SGPP2: variants seen among roughly 807,000 people sequenced by gnomAD.
The protein encoded by SGPP2 is sphingosine-1-phosphate phosphatase 2, also known as sphingosine 1-phosphate phosphohydrolase 2.
In SGPP2, 30 loss-of-function variants were observed where a neutral mutation model predicts 33.9. The ratio of observed to expected loss-of-function variants is 0.89; its 90% CI spans 0.66 to 1.20. The LOEUF (loss-of-function observed/expected upper bound fraction) is 1.20. Ranked by LOEUF, SGPP2 falls within the 50% of genes most tolerant of loss-of-function variation. The pLI is 0.00. For synonymous variants in SGPP2, 233 were observed against 225.0 expected (o/e 1.04, Z -0.32); for missense variants, 458 against 532.1 (o/e 0.86, Z 1.37).
chr2:222,492,531 A>G (rs1172669256), intron 2 of SGPP2, among the ~76,000 whole-genome samples: 1 of 152,254 alleles, frequency 6.6e-6, no homozygotes, highest in Admixed American at 6.5e-5. Flanking sequence ...TGCATAGAAC[A>G]GGGAGGCCCT....
intron 4 of SGPP2, among the ~76,000 whole-genome samples, chr2:222,555,824 G>C (rs576568726): frequency 6.6e-6 from 1 of 152,170 alleles, no homozygotes; most frequent in African/African-American, 2.4e-5. Context: ...ATAAGTAAAG[G>C]GTTTAAATCC....
chr2:222,451,658 G>A (rs781222082), intron 1 of SGPP2, among the ~76,000 whole-genome samples: 7 of 152,140 alleles, frequency 4.6e-5, no homozygotes, highest in Non-Finnish European at 1.0e-4. Flanking sequence ...TTTGTGCCTC[G>A]GTTTATAGAT....
Position 222,477,146 on chromosome 2 carries a change from T to C in SGPP2, c.378+2420T>C, listed in dbSNP as rs931400307. Among the ~76,000 whole-genome samples the C allele has an allele frequency of 2.6e-5, 4 of 151,806 alleles. No individual in the cohort carries two copies. Among genetic ancestry groups the C allele is most frequent in the Non-Finnish European group, 5.9e-5 (4 of 67,896 alleles). On this transcript the variant is annotated intron_variant, in intron 2 of 4. Transcript: ENST00000321276. This position sits in a 1 kb window ranked among gnomAD's most constrained non-coding sequence, Gnocchi z 6.0. ...GTATGTGTGTGTATATAGGTGTGTATATATCTGTGTGTGTGTATAGGTGTG... is the reference window on the plus strand; with the variant it reads ...GTATGTGTGTGTATATAGGTGTGTACATATCTGTGTGTGTGTATAGGTGTG...
At chr2:222,428,792 T>C (rs933448665) in intron 1 of SGPP2, among the ~76,000 whole-genome samples, 22 of 139,076 alleles carry the variant, frequency 1.6e-4, no homozygotes, top group African/African-American at 4.9e-4. Flanking sequence ...TTTCTTTTTT[T>C]TTTTTTTTTT....
At chr2:222,530,973 G>A (rs993315436) in intron 4 of SGPP2, among the ~76,000 whole-genome samples, 1 of 152,166 alleles carries the variant, frequency 6.6e-6, no homozygotes, top group East Asian at 1.9e-4. Flanking sequence ...GTTGGAGGCT[G>A]TAGTGAGGTA....
chr2:222,520,292 CT>C (rs1437016865), intron 2 of SGPP2, among the ~76,000 whole-genome samples: 1 of 151,794 alleles, frequency 6.6e-6, no homozygotes, highest in Non-Finnish European at 1.5e-5. Context: ...TTTTTCATAT[CT>C]TTTTTCAGTA....
chr2:222,472,859 C>A (rs1380314271), intron 1 of SGPP2, among the ~76,000 whole-genome samples: 2 of 152,062 alleles, frequency 1.3e-5, no homozygotes, highest in Non-Finnish European at 2.9e-5. Context: ...TCTAAAAACA[C>A]AAAAATAAGC....
intron 2 of SGPP2, among the ~76,000 whole-genome samples, chr2:222,496,282 T>C (rs1346519303): frequency 2.6e-5 from 4 of 152,256 alleles, no homozygotes; most frequent in African/African-American, 9.6e-5. Context: ...ACTTCTCAGT[T>C]TGAGACGCTT....
chr2:222,430,756 AT>A (rs1474089724), intron 1 of SGPP2, among the ~76,000 whole-genome samples: 3 of 152,186 alleles, frequency 2.0e-5, no homozygotes, highest in African/African-American at 7.2e-5. Context: ...CAAGGTCAAC[AT>A]CACCAGTGGT....
At chr2:222,535,235 A>C (rs1698895683) in intron 4 of SGPP2, among the ~76,000 whole-genome samples, 1 of 152,092 alleles carries the variant, frequency 6.6e-6, no homozygotes, top group Non-Finnish European at 1.5e-5. Flanking sequence ...AAAATTAGCC[A>C]GGCATGATGG....
upstream of SGPP2, chr2:222,424,516 C>T (rs1275426310): frequency 4.2e-6 from 4 of 961,602 alleles, no homozygotes; most frequent in Admixed American, 4.7e-5. Flanking sequence ...AGTGCGGGAT[C>T]GGCGGGGGCG....
At position 222,558,714 on chromosome 2, in the gene SGPP2, G is replaced by A. The variant is rs201625866; in HGVS notation, c.1016G>A (p.Arg339His). 3.7e-5 allele frequency: 60 copies of A among 1,614,106 alleles called. No homozygotes were observed. Among genetic ancestry groups the A allele is most frequent in the East Asian group, 1.6e-4 (7 of 44,880 alleles). ...AVGIVLILLV[R>H]QLVQNLSLQV... ...GGAATTGTGTTGATCCTCTTGGTTC[G>A]TCAGCTTGTACAAAATCTCTCACTG... The change falls in exon 5 of 5, where the codon CGT becomes CAT. Residue 339 changes from arginine (R) to histidine (H), a missense_variant. By Grantham distance (29) the Arg-to-His change is conservative. Coordinates refer to ENST00000321276, the MANE Select transcript of SGPP2 (RefSeq NM_152386.4).
In SGPP2 at chr2:222,465,260, C is replaced by G. The variant is rs1423370090; in HGVS notation, c.220-9308C>G. Among the ~76,000 whole-genome samples, 1 of 152,234 alleles carries G rather than the reference C, an allele frequency of 6.6e-6. No homozygotes were observed. The highest frequency in any genetic ancestry group is 2.4e-5 in the African/African-American group (1 of 41,470). On this transcript the variant is annotated intron_variant, in intron 1 of 4. Coordinates refer to ENST00000321276, the MANE Select transcript of SGPP2 (RefSeq NM_152386.4). The surrounding 1 kb of genome is among the most constrained non-coding windows in gnomAD (Gnocchi z 4.1). ...AGCGCTGCTTAGACATTGGCTAGAT[C>G]ACCCAACTTGTAATTCTATCTGGAC...
chr2:222,543,453 T>C (rs1314066022), intron 4 of SGPP2, among the ~76,000 whole-genome samples: 1 of 152,220 alleles, frequency 6.6e-6, no homozygotes. Flanking sequence ...TATACTATGT[T>C]TATTCCTATA....
chr2:222,511,092 A>AT (rs1245329256), intron 2 of SGPP2, among the ~76,000 whole-genome samples: 1 of 152,166 alleles, frequency 6.6e-6, no homozygotes, highest in African/African-American at 2.4e-5. Context: ...ACACACTGTC[A>AT]TTTTTTACTG....
At chr2:222,444,507 G>GA (rs1697371265) in intron 1 of SGPP2, among the ~76,000 whole-genome samples, 1 of 152,236 alleles carries the variant, frequency 6.6e-6, no homozygotes, top group African/African-American at 2.4e-5. Flanking sequence ...GCCAGACTGT[G>GA]AACCCTCTGG....
intron 4 of SGPP2, among the ~76,000 whole-genome samples, chr2:222,548,654 G>C (rs1390307510): frequency 6.6e-6 from 1 of 152,200 alleles, no homozygotes; most frequent in Non-Finnish European, 1.5e-5. Context: ...AGGTAAATCA[G>C]CCTCCTGCTT....
chr2:222,519,635 G>A (rs1383199364), intron 2 of SGPP2, among the ~76,000 whole-genome samples: 2 of 152,214 alleles, frequency 1.3e-5, no homozygotes, highest in Non-Finnish European at 2.9e-5. Context: ...CACCCAGGTA[G>A]TGAGCATAAT....
At chr2:222,543,978 A>G (rs1296612891) in intron 4 of SGPP2, among the ~76,000 whole-genome samples, 1 of 152,130 alleles carries the variant, frequency 6.6e-6, no homozygotes, top group African/African-American at 2.4e-5. Context: ...ACATCCCTCT[A>G]TTTAGGTCTT....
Sources: allele counts gnomAD v4.1 joint callset (sites outside exome capture counted in the v4.1 genomes callset), GRCh38; gene constraint gnomAD v4.1.1; non-coding constraint Gnocchi (gnomAD v3.1); transcripts MANE v1.5; gene names NCBI Gene and HGNC (gene_info 2026-07-23, HGNC 2026-07-21).